Variants in DYM observed in about 807,000 individuals in gnomAD.
The protein encoded by DYM is dyggve-Melchior-Clausen syndrome protein.
A neutral mutation model predicts 93.1 loss-of-function variants in DYM; 78 were observed. The ratio of observed to expected loss-of-function variants is 0.84; its 90% confidence interval spans 0.70 to 1.01. The LOEUF is 1.01. Among genes scored for constraint, DYM ranks in the 50% least tolerant of loss-of-function variants. The probability of loss-of-function intolerance (pLI) is 0.00; values close to 1 mark genes in which losing one functional copy is unlikely to be tolerated. For synonymous variants in DYM, 321 were observed against 319.7 expected, an observed-to-expected ratio of 1.00 and a Z score of -0.04; for missense variants, 789 against 845.0, an observed-to-expected ratio of 0.93 and a Z score of 0.82.
At chr18:49,054,482 A>T (rs1367593798) in intron 17 of DYM, among the ~76,000 whole-genome samples, 3 of 152,196 alleles carry the variant, frequency 2.0e-5, no homozygotes, top group African/African-American at 7.2e-5. Flanking sequence ...ACCTCAGGTG[A>T]TCTGCCCGCC....
chr18:49,405,300 T>TA (rs1329500684), intron 2 of DYM, among the ~76,000 whole-genome samples: 2 of 152,218 alleles, frequency 1.3e-5, no homozygotes, highest in African/African-American at 4.8e-5. Context: ...TTTCAGAACT[T>TA]AGTCACAAAT....
chr18:49,109,578 T>C (rs1329542118), intron 16 of DYM, among the ~76,000 whole-genome samples: 1 of 152,180 alleles, frequency 6.6e-6, no homozygotes, highest in Non-Finnish European at 1.5e-5. Flanking sequence ...TATTTCTGGG[T>C]CAGAGACGGA....
chr18:49,260,175 G>A (rs1390272565), intron 11 of DYM, among the ~76,000 whole-genome samples: 1 of 152,174 alleles, frequency 6.6e-6, no homozygotes, highest in East Asian at 1.9e-4. Context: ...GGGAGTCCAA[G>A]GCCAGGAGTT....
rs371691798 is a variant in DYM, at chr18:49,375,346, T to C, written c.421+3221A>G. Among the ~76,000 whole-genome samples, 9 of 152,068 alleles carry C rather than the reference T, an allele frequency of 5.9e-5. No individual in the cohort carries two copies. In the East Asian group the frequency reaches 1.5e-3, roughly 26 times the overall value. ...TCATTGTCATTTTATTCACCCTTTATAGGAAACTATTCTTAATAAATTATA... is the reference window on the plus strand; with the variant it reads ...TCATTGTCATTTTATTCACCCTTTACAGGAAACTATTCTTAATAAATTATA... On this transcript the variant is annotated intron_variant, in intron 5 of 17. Coordinates refer to ENST00000675505, the MANE Select transcript of DYM (RefSeq NM_001353214.3).
At chr18:49,344,260 A>G (rs187981695) in intron 6 of DYM, among the ~76,000 whole-genome samples, 142 of 152,236 alleles carry the variant, frequency 9.3e-4, no homozygotes, top group African/African-American at 3.2e-3. Context: ...GCAACTATCC[A>G]TCAACTACTG....
At chr18:49,440,923 A>T (rs1309625389) in intron 1 of DYM, among the ~76,000 whole-genome samples, 1 of 5,196 alleles carries the variant, frequency 1.9e-4, no homozygotes, top group Non-Finnish European at 3.5e-4. Flanking sequence ...TATTTTATAT[A>T]ATATATTATA....
intron 5 of DYM, among the ~76,000 whole-genome samples, chr18:49,370,165 C>G (rs528528874): frequency 2.0e-5 from 3 of 151,662 alleles, no homozygotes; most frequent in African/African-American, 7.3e-5. Context: ...GTAATCCTAG[C>G]TACTTGGGAG....
At chr18:49,104,753 A>T (rs1222601566) in intron 16 of DYM, among the ~76,000 whole-genome samples, 1 of 152,184 alleles carries the variant, frequency 6.6e-6, no homozygotes, top group East Asian at 1.9e-4. Context: ...CATCCTAGGG[A>T]TGAAGCCCAC....
At chr18:49,415,287 T>C (rs915289773) in intron 2 of DYM, among the ~76,000 whole-genome samples, 3 of 116,976 alleles carry the variant, frequency 2.6e-5, no homozygotes, top group African/African-American at 3.4e-5. Context: ...ACCACTGCAC[T>C]ACAGTCTGGG....
intron 17 of DYM, among the ~76,000 whole-genome samples, chr18:49,076,239 GA>G (rs1413754983): frequency 6.6e-6 from 1 of 152,136 alleles, no homozygotes; most frequent in African/African-American, 2.4e-5. Flanking sequence ...GCAATCACAG[GA>G]AAAATATTAT....
intron 17 of DYM, among the ~76,000 whole-genome samples, chr18:49,070,765 G>A (rs1472335275): frequency 6.6e-6 from 1 of 152,166 alleles, no homozygotes; most frequent in Non-Finnish European, 1.5e-5. Context: ...TGAAAGACAA[G>A]AAAATCTCTA....
At chr18:49,168,472 C>T (rs914076677) in intron 14 of DYM, among the ~76,000 whole-genome samples, 13 of 152,118 alleles carry the variant, frequency 8.5e-5, no homozygotes, top group African/African-American at 1.4e-4. Context: ...AACGGGAACA[C>T]GCTGAGAAAA....
At chr18:49,408,047 T>G (rs112282714) in intron 2 of DYM, among the ~76,000 whole-genome samples, 11,649 of 122,868 alleles carry the variant, frequency 0.095, 744 homozygotes, top group East Asian at 0.33. Flanking sequence ...CTGGGCAACA[T>G]AGCAAGACCT....
At chr18:49,261,462 G>A (rs1465724432) in intron 11 of DYM, among the ~76,000 whole-genome samples, 1 of 152,230 alleles carries the variant, frequency 6.6e-6, no homozygotes, top group Non-Finnish European at 1.5e-5. Context: ...CCTGAGGTCA[G>A]GAGTTTGAGA....
chr18:49,289,396 C>A (rs1371737803), intron 8 of DYM, among the ~76,000 whole-genome samples: 6 of 15,160 alleles, frequency 4.0e-4, no homozygotes, highest in South Asian at 2.0e-3. Flanking sequence ...TAAAAATCTA[C>A]AAATCAGTAA....
intron 2 of DYM, among the ~76,000 whole-genome samples, chr18:49,424,488 G>C (rs944397310): frequency 2.0e-5 from 3 of 151,940 alleles, no homozygotes; most frequent in Non-Finnish European, 4.4e-5. Context: ...AACTGGCACA[G>C]GACAGGGATG....
Position 49,037,849 on chromosome 18 carries a change from G to C in DYM, c.*6206C>G, listed in dbSNP as rs2070761641. On this transcript the variant is annotated 3_prime_UTR_variant, in exon 18 of 18. Coordinates refer to ENST00000675505, the MANE Select transcript of DYM (RefSeq NM_001353214.3). ...TTGTTGAGACTTTTTTTCTGAGACA[G>C]GGTCTTGCTCTGTCACCCAAGCTGG... Among the ~76,000 whole-genome samples, 3 of 152,084 alleles carry C rather than the reference G, an allele frequency of 2.0e-5. No homozygotes were observed. The highest frequency in any genetic ancestry group is 2.0e-4 in the Admixed American group (3 of 15,262).
intron 8 of DYM, among the ~76,000 whole-genome samples, chr18:49,320,184 GAT>G (rs2062355649): frequency 6.6e-6 from 1 of 152,098 alleles, no homozygotes; most frequent in Non-Finnish European, 1.5e-5. Flanking sequence ...TAAAGATTAA[GAT>G]ATACATTTTT....
At chr18:49,072,432 T>C (rs984839658) in intron 17 of DYM, among the ~76,000 whole-genome samples, 2 of 152,210 alleles carry the variant, frequency 1.3e-5, no homozygotes, top group African/African-American at 2.4e-5. Context: ...TCTATGAAAG[T>C]AGCCCCCAGA....
Sources: gnomAD v4.1 joint callset for allele counts (sites outside exome capture counted in the v4.1 genomes callset) on GRCh38, gnomAD v4.1.1 for gene constraint, MANE v1.5 for transcripts, NCBI Gene and HGNC (gene_info 2026-07-23, HGNC 2026-07-21) for gene names.